RIMS2: variants seen among roughly 807,000 people sequenced by gnomAD.
RIMS2 encodes the protein regulating synaptic membrane exocytosis 2.
A neutral mutation model predicts 174.4 loss-of-function variants in RIMS2; 59 were observed. That is an observed-to-expected ratio of 0.34 (90% CI 0.27 to 0.42). The LOEUF (loss-of-function observed/expected upper bound fraction) is 0.42, where lower values mean the gene tolerates loss of function less well. Among genes scored for constraint, RIMS2 ranks in the 10% least tolerant of loss-of-function variants. The pLI is 1.00. For synonymous variants in RIMS2, 606 were observed against 572.5 expected (o/e 1.06, Z -0.84); for missense variants, 1,620 against 1,666.3 (o/e 0.97, Z 0.48).
chr8:104,118,465 C>T (rs1373574170), intron 19 of RIMS2, among the ~76,000 whole-genome samples: 1 of 150,222 alleles, frequency 6.7e-6, no homozygotes, highest in Non-Finnish European at 1.5e-5. Flanking sequence ...CTCCCAGGTT[C>T]AAGCAATTCT....
chr8:104,076,970 C>A (rs1352548383), intron 19 of RIMS2, among the ~76,000 whole-genome samples: 2 of 152,044 alleles, frequency 1.3e-5, no homozygotes, highest in African/African-American at 2.4e-5. Flanking sequence ...GCACGTGCCA[C>A]CACACCCAGC....
At chr8:104,017,209 CA>C (rs1342647923) in intron 19 of RIMS2, among the ~76,000 whole-genome samples, 1 of 151,596 alleles carries the variant, frequency 6.6e-6, no homozygotes, top group Non-Finnish European at 1.5e-5. Flanking sequence ...GTAAGTAACA[CA>C]AAATAGACTA....
At chr8:103,862,741 G>T (rs2099065357) in intron 3 of RIMS2, among the ~76,000 whole-genome samples, 1 of 152,006 alleles carries the variant, frequency 6.6e-6, no homozygotes. Flanking sequence ...TTGTAAATGG[G>T]ATTGAGTTCT....
chr8:103,611,979 C>G (rs1268243270), intron 1 of RIMS2, among the ~76,000 whole-genome samples: 1 of 146,354 alleles, frequency 6.8e-6, no homozygotes, highest in Non-Finnish European at 1.5e-5. Context: ...TTTTTTTTCT[C>G]TTTTGTCTTC....
At chr8:103,792,282 C>T (rs746387182) in intron 3 of RIMS2, among the ~76,000 whole-genome samples, 4 of 152,194 alleles carry the variant, frequency 2.6e-5, no homozygotes, top group East Asian at 3.8e-4. Flanking sequence ...CAAAACCTCT[C>T]ACCTACATGG....
At chr8:103,923,032 C>T (rs2078020392) in intron 10 of RIMS2, among the ~76,000 whole-genome samples, 1 of 151,556 alleles carries the variant, frequency 6.6e-6, no homozygotes. Flanking sequence ...TGAACTTTTT[C>T]ATTTGAGGCC....
chr8:104,001,966 C>CT (rs1344224519), intron 17 of RIMS2, among the ~76,000 whole-genome samples: 1 of 152,004 alleles, frequency 6.6e-6, no homozygotes, highest in African/African-American at 2.4e-5. Context: ...TTCACAGTTC[C>CT]TGCCATCAAG....
chr8:103,572,268 C>T (rs539106335), intron 1 of RIMS2, among the ~76,000 whole-genome samples: 2 of 152,330 alleles, frequency 1.3e-5, no homozygotes, highest in East Asian at 3.9e-4. Context: ...AAAGCTTCCA[C>T]AGCATGGAAG....
intron 8 of RIMS2, among the ~76,000 whole-genome samples, chr8:103,917,477 A>C (rs1168006786): frequency 6.6e-6 from 1 of 152,142 alleles, no homozygotes; most frequent in Non-Finnish European, 1.5e-5. Flanking sequence ...GCAGTGCATA[A>C]GATTTGTGTA....
At chr8:104,159,526 T>G (rs939766296) in intron 19 of RIMS2, among the ~76,000 whole-genome samples, 1 of 152,210 alleles carries the variant, frequency 6.6e-6, no homozygotes, top group Non-Finnish European at 1.5e-5. Context: ...CAAGTTTATA[T>G]TCCCACCAGT....
At chr8:103,856,145 G>A (rs1014620720) in intron 3 of RIMS2, among the ~76,000 whole-genome samples, 8 of 151,990 alleles carry the variant, frequency 5.3e-5, no homozygotes, top group African/African-American at 1.5e-4. Flanking sequence ...TTACATTTTA[G>A]TAGTTTAAAA....
chr8:104,186,997 A>G (rs1046124882), intron 19 of RIMS2, among the ~76,000 whole-genome samples: 2 of 151,714 alleles, frequency 1.3e-5, no homozygotes, highest in African/African-American at 4.8e-5. Flanking sequence ...AGGTTTAGGG[A>G]AAAAAAGGAA....
At chr8:103,974,216 C>T (rs1413450830) in intron 15 of RIMS2, among the ~76,000 whole-genome samples, 1 of 152,258 alleles carries the variant, frequency 6.6e-6, no homozygotes, top group Admixed American at 6.5e-5. Context: ...TCTAGGGAAT[C>T]TAATGTGAGT....
intron 14 of RIMS2, among the ~76,000 whole-genome samples, chr8:103,949,720 C>T (rs1271211177): frequency 1.3e-5 from 2 of 151,822 alleles, no homozygotes; most frequent in Non-Finnish European, 2.9e-5. Flanking sequence ...ATGTTTTCAC[C>T]TTAACAAACG....
intron 3 of RIMS2, among the ~76,000 whole-genome samples, chr8:103,781,002 G>A (rs1285427222): frequency 6.6e-6 from 1 of 152,044 alleles, no homozygotes; most frequent in South Asian, 2.1e-4. Flanking sequence ...TGATTGGGTT[G>A]CTGCCCATAC....
intron 1 of RIMS2, among the ~76,000 whole-genome samples, chr8:103,549,450 T>C (rs576939758): frequency 6.6e-6 from 1 of 152,086 alleles, no homozygotes; most frequent in Admixed American, 6.6e-5. Flanking sequence ...AGGCCTACCT[T>C]ACAAGAGCTC....
intron 15 of RIMS2, among the ~76,000 whole-genome samples, chr8:103,965,288 A>C (rs2091506300): frequency 6.6e-6 from 1 of 152,140 alleles, no homozygotes; most frequent in South Asian, 2.1e-4. Context: ...TTTATATGGA[A>C]TATCTATTTA....
At chr8:103,834,332 CTT>C (rs397892077) in intron 3 of RIMS2, among the ~76,000 whole-genome samples, 15,670 of 119,070 alleles carry the variant, frequency 0.13, 954 homozygotes, top group Middle Eastern at 0.25. Context: ...TTTTCTTTTT[CTT>C]TTTTTTTTTT....
chr8:103,781,738 C>CTTTTT (rs11308922), intron 3 of RIMS2, among the ~76,000 whole-genome samples: 1 of 88,494 alleles, frequency 1.1e-5, no homozygotes, highest in African/African-American at 4.6e-5. Flanking sequence ...CTCCCCTAAT[C>CTTTTT]TTTTTTTTTT....
Sources: gnomAD v4.1 joint callset for allele counts (sites outside exome capture counted in the v4.1 genomes callset) on GRCh38, gnomAD v4.1.1 for gene constraint, MANE v1.5 for transcripts, NCBI Gene and HGNC (gene_info 2026-07-23, HGNC 2026-07-21) for gene names.